CSMD1: variants seen among roughly 807,000 people sequenced by gnomAD.
CSMD1 encodes the protein CUB and sushi domain-containing protein 1.
CSMD1 carries 213 observed loss-of-function variants against 417.5 expected under a neutral mutation model. The ratio of observed to expected loss-of-function variants is 0.51; its 90% CI spans 0.46 to 0.57. CSMD1 has a LOEUF of 0.57. Ranked by LOEUF, CSMD1 falls within the 20% of genes least tolerant of loss-of-function variation. CSMD1 has a pLI of 0.00. For missense variants in CSMD1, 6,923 were observed against 4,529.7 expected (o/e 1.53, Z -15.17); for synonymous variants, 2,862 against 1,736.8 (o/e 1.65, Z -16.11).
At chr8:4,606,770 T>G (rs1235074282) in intron 2 of CSMD1, among the ~76,000 whole-genome samples, 2 of 152,198 alleles carry the variant, frequency 1.3e-5, no homozygotes, top group Non-Finnish European at 2.9e-5. Flanking sequence ...TAGTAAATTT[T>G]CAAATTGACA....
intron 1 of CSMD1, among the ~76,000 whole-genome samples, chr8:4,871,273 A>G (rs1036299554): frequency 1.3e-5 from 2 of 152,114 alleles, no homozygotes; most frequent in African/African-American, 4.8e-5. Flanking sequence ...TTCTTAGGAA[A>G]TTTTAAATTT....
In CSMD1 at chr8:3,022,426, G is replaced by A. The variant is rs189868191; in HGVS notation, c.7856-3776C>T. 5.9e-5 allele frequency among the ~76,000 whole-genome samples: 9 copies of A among 151,992 alleles called. No individual in the cohort carries two copies. In the East Asian group the frequency reaches 1.4e-3, roughly 23 times the overall value. ...GCACGTGCAATCCCACATCGACAGC[G>A]TGTTTTCTCACTGTCCCTGGGGATT... On this transcript the variant is annotated intron_variant, in intron 51 of 69. Transcript: ENST00000635120.
rs138007728 is a variant in CSMD1, at chr8:3,035,011, TTGCAGTAAACA to T, written c.7661-5509_7661-5499del. ...GGATGGCCCTAACACTCAAAGGCAGTTGCAGTAAACATGCACGCCTCCCCTAAGACTTAAGA... is the reference window on the plus strand; with the variant it reads ...GGATGGCCCTAACACTCAAAGGCAGTTGCACGCCTCCCCTAAGACTTAAGA... On this transcript the variant is annotated intron_variant, in intron 50 of 69. Transcript: ENST00000635120. Among the ~76,000 whole-genome samples the T allele has an allele frequency of 2.4e-3, 366 of 152,280 alleles. 2 individuals carry two copies. The highest frequency in any genetic ancestry group is 4.3e-3 in the Non-Finnish European group (292 of 68,022).
At position 3,075,320 on chromosome 8, in the gene CSMD1, A is replaced by G. The variant is rs182559138; in HGVS notation, c.7474+11777T>C. ...TAGATGGAGTTTCGCCCTGTCATCC[A>G]GGCTGCAGTGGAGTGCAACGGTGTG... On this transcript the variant is annotated intron_variant, in intron 49 of 69. Transcript: ENST00000635120. Among the ~76,000 whole-genome samples the G allele has an allele frequency of 2.9e-3, 414 of 143,564 alleles. 1 individual carries two copies. Among genetic ancestry groups the G allele is most frequent in the Non-Finnish European group, 4.0e-3 (268 of 66,696 alleles). 94.2% of individuals were successfully genotyped at this position (143,564 alleles called of 152,430 possible).
At chr8:3,250,289 A>C (rs1240761902) in intron 26 of CSMD1, among the ~76,000 whole-genome samples, 1 of 152,066 alleles carries the variant, frequency 6.6e-6, no homozygotes, top group African/African-American at 2.4e-5. Context: ...ATTCCCACCT[A>C]TGAGTGAGAA....
At chr8:3,009,488 C>A (rs920220724) in intron 52 of CSMD1, among the ~76,000 whole-genome samples, 1 of 152,288 alleles carries the variant, frequency 6.6e-6, no homozygotes, top group South Asian at 2.1e-4. Context: ...AATTTGCAAA[C>A]TTTTCTTCAG....
intron 23 of CSMD1, among the ~76,000 whole-genome samples, chr8:3,310,740 C>G (rs1805270494): frequency 6.6e-6 from 1 of 152,110 alleles, no homozygotes; most frequent in Admixed American, 6.6e-5. Context: ...CAGGTCCTGT[C>G]CGTGAAGAAC....
rs118025956 is a variant in CSMD1, at chr8:3,133,159, C to A, written c.6241+9306G>T. On this transcript the variant is annotated intron_variant, in intron 41 of 69. Transcript: ENST00000635120. ...CGGCACACAGCTTCTCCTCAGCGACCTGGGGGAGGCCGACCTGGGGCCCCT... is the reference window on the plus strand; with the variant it reads ...CGGCACACAGCTTCTCCTCAGCGACATGGGGGAGGCCGACCTGGGGCCCCT... Among the ~76,000 whole-genome samples the A allele has an allele frequency of 2.3e-3, 344 of 152,292 alleles. 7 individuals are homozygous for A. The East Asian group carries it at 0.048, about 21-fold the overall frequency.
intron 62 of CSMD1, 66 bp from the exon 63 acceptor site, chr8:2,957,873 C>T (rs1803132354): frequency 3.7e-6 from 4 of 1,077,176 alleles, no homozygotes. Flanking sequence ...ACTAGTGATA[C>T]CTGAAAGTAC....
At chr8:2,977,971 T>C (rs1190960295) in intron 55 of CSMD1, among the ~76,000 whole-genome samples, 1 of 152,138 alleles carries the variant, frequency 6.6e-6, no homozygotes, top group Non-Finnish European at 1.5e-5. Context: ...TTTTACACTG[T>C]TGGTGGAATG....
At chr8:3,670,239 G>T (rs996905786) in intron 7 of CSMD1, among the ~76,000 whole-genome samples, 2 of 151,864 alleles carry the variant, frequency 1.3e-5, no homozygotes, top group African/African-American at 2.4e-5. Flanking sequence ...CAAAGCAGGC[G>T]GAAAAATATG....
chr8:4,078,106 T>C (rs1799929126), intron 3 of CSMD1, among the ~76,000 whole-genome samples: 1 of 152,160 alleles, frequency 6.6e-6, no homozygotes, highest in East Asian at 1.9e-4. Context: ...AATCTTCAAA[T>C]AATTTACATG....
intron 11 of CSMD1, among the ~76,000 whole-genome samples, chr8:3,484,220 T>C (rs577332476): frequency 6.6e-6 from 1 of 151,648 alleles, no homozygotes; most frequent in Non-Finnish European, 1.5e-5. Flanking sequence ...ATGTGTGGCA[T>C]TGGTAGAAGA....
At chr8:4,943,746 C>T (rs1172276497) in intron 1 of CSMD1, among the ~76,000 whole-genome samples, 1 of 152,070 alleles carries the variant, frequency 6.6e-6, no homozygotes, top group Admixed American at 6.6e-5. Context: ...ATGTGATAAG[C>T]AAAGGACTTT....
At chr8:4,208,041 T>C (rs999935337) in intron 3 of CSMD1, among the ~76,000 whole-genome samples, 11 of 152,254 alleles carry the variant, frequency 7.2e-5, no homozygotes, top group Admixed American at 1.3e-4. Flanking sequence ...TATGTAAATA[T>C]ATGAGGGTAA....
At chr8:3,831,633 T>G (rs928074300) in intron 5 of CSMD1, among the ~76,000 whole-genome samples, 1 of 152,174 alleles carries the variant, frequency 6.6e-6, no homozygotes, top group African/African-American at 2.4e-5. Flanking sequence ...TACTTATGGG[T>G]TTTCCTTCAA....
chr8:3,025,238 C>T (rs1388169379), intron 51 of CSMD1, among the ~76,000 whole-genome samples: 4 of 150,156 alleles, frequency 2.7e-5, no homozygotes, highest in Non-Finnish European at 1.5e-5. Flanking sequence ...TATTCTGATA[C>T]CGTGTATTGT....
chr8:4,077,297 G>GTATATATATATATATATGTGTATATATA (rs1799873727), intron 3 of CSMD1, among the ~76,000 whole-genome samples: 1 of 121,290 alleles, frequency 8.2e-6, no homozygotes, highest in Non-Finnish European at 1.7e-5. Context: ...ATATATATGT[G>GTATATATATATATATATGTGTATATATA]TATATATATA....
chr8:4,085,467 C>G (rs1800369305), intron 3 of CSMD1, among the ~76,000 whole-genome samples: 2 of 152,142 alleles, frequency 1.3e-5, no homozygotes, highest in South Asian at 4.1e-4. Flanking sequence ...ATCATGTTTG[C>G]TGACAGTTTA....
Sources: gnomAD v4.1 joint callset for allele counts (sites outside exome capture counted in the v4.1 genomes callset) on GRCh38, gnomAD v4.1.1 for gene constraint, MANE v1.5 for transcripts, NCBI Gene and HGNC (gene_info 2026-07-23, HGNC 2026-07-21) for gene names.